UBR3: variants seen among roughly 807,000 people sequenced by gnomAD.
UBR3 encodes the protein ubiquitin protein ligase E3 component n-recognin 3.
Under a neutral mutation model 243.2 loss-of-function variants are expected in UBR3, and 85 were observed. That is an observed-to-expected ratio of 0.35 (90% CI 0.29 to 0.42). The LOEUF is 0.42. Among genes scored for constraint, UBR3 ranks in the 10% least tolerant of loss-of-function variants. The pLI is 1.00. For missense variants in UBR3, 1,686 were observed against 2,300.8 expected, an observed-to-expected ratio of 0.73 and a Z score of 5.47; for synonymous variants, 748 against 799.8, an observed-to-expected ratio of 0.94 and a Z score of 1.09.
At chr2:169,890,549 A>ATGTG (rs1553504463) in intron 5 of UBR3, among the ~76,000 whole-genome samples, 2 of 59,266 alleles carry the variant, frequency 3.4e-5, no homozygotes, top group East Asian at 4.3e-4. Flanking sequence ...AGATATATAT[A>ATGTG]TATATATATA....
At chr2:170,049,566 G>C (rs1451541613) in intron 32 of UBR3, among the ~76,000 whole-genome samples, 1 of 152,074 alleles carries the variant, frequency 6.6e-6, no homozygotes, top group Non-Finnish European at 1.5e-5. Flanking sequence ...TATTTCAAAG[G>C]GGTTATTTTT....
In UBR3 at chr2:169,828,105, G is replaced by A. The variant is rs1010194205; in HGVS notation, c.545+53G>A. 6 of 1,346,274 alleles carry A rather than the reference G, an allele frequency of 4.5e-6. No homozygotes were observed. The South Asian group carries it at 8.6e-5, about 19-fold the overall frequency. 83.4% of individuals were successfully genotyped at this position (1,346,274 alleles called of 1,614,324 possible). On this transcript the variant is annotated intron_variant, in intron 1 of 38. Transcript: ENST00000272793. ...GCGACCCTGGGCCGGGGACGTCGCG[G>A]GAGGGCCTGGAGCGGAGCACTGGGA...
At chr2:170,035,798 ACTAT>A in intron 31 of UBR3, among the ~76,000 whole-genome samples, 1 of 151,334 alleles carries the variant, frequency 6.6e-6, no homozygotes, top group Non-Finnish European at 1.5e-5. Context: ...ATGAACATGG[ACTAT>A]CTCTCTCCAT....
At chr2:170,043,740 G>A (rs1357438068) in intron 32 of UBR3, among the ~76,000 whole-genome samples, 10 of 152,176 alleles carry the variant, frequency 6.6e-5, no homozygotes, top group Non-Finnish European at 5.9e-5. Flanking sequence ...CACCCTTGGG[G>A]AGCCAAATAG....
At chr2:169,859,156 G>T (rs181337118) in intron 1 of UBR3, among the ~76,000 whole-genome samples, 17 of 146,588 alleles carry the variant, frequency 1.2e-4, no homozygotes, top group African/African-American at 4.1e-4. Flanking sequence ...CGTGATCTCG[G>T]CTTCACTGCA....
At chr2:169,877,323 T>C (rs950799539) in intron 3 of UBR3, among the ~76,000 whole-genome samples, 171 bp from the exon 4 acceptor site, 2 of 152,230 alleles carry the variant, frequency 1.3e-5, no homozygotes, top group African/African-American at 4.8e-5. Flanking sequence ...CTCGGATTGT[T>C]AGTGCTAAAC....
chr2:169,980,952 C>G (rs903282058), intron 24 of UBR3, among the ~76,000 whole-genome samples: 31 of 151,962 alleles, frequency 2.0e-4, no homozygotes, highest in Admixed American at 8.5e-4. Flanking sequence ...ACCCCCACCC[C>G]CTCTAGTGAT....
At chr2:170,015,194 T>C (rs892516051) in intron 29 of UBR3, 87 bp from the exon 30 acceptor site, 24 of 1,144,004 alleles carry the variant, frequency 2.1e-5, no homozygotes, top group Non-Finnish European at 4.9e-6. Flanking sequence ...AAGAACTTTA[T>C]TTTTTAGGTT....
At chr2:169,997,904 C>T (rs1032805066) in intron 26 of UBR3, among the ~76,000 whole-genome samples, 4 of 152,152 alleles carry the variant, frequency 2.6e-5, no homozygotes, top group South Asian at 2.1e-4. Flanking sequence ...GAAGTTCTCA[C>T]TCCAGTCATG....
At chr2:170,000,283 G>A (rs950156053) in intron 26 of UBR3, among the ~76,000 whole-genome samples, 2 of 152,164 alleles carry the variant, frequency 1.3e-5, no homozygotes, top group African/African-American at 4.8e-5. Context: ...GACTAGATTT[G>A]TACTTTATAA....
chr2:169,866,450 G>A (rs1228211757), intron 1 of UBR3, among the ~76,000 whole-genome samples: 2 of 150,842 alleles, frequency 1.3e-5, no homozygotes, highest in African/African-American at 4.9e-5. Context: ...TGCAACCTCC[G>A]CCTCCGGATT....
chr2:169,857,065 T>TTTTG lies in UBR3; in HGVS notation c.546-15168_546-15167insGTTT, dbSNP rs1491391930. Among the ~76,000 whole-genome samples, 83 of 44,134 alleles carry TTTTG rather than the reference T, an allele frequency of 1.9e-3. 11 individuals carry two copies. The highest frequency in any genetic ancestry group is 9.2e-3 in the East Asian group (16 of 1,732). 29.0% of individuals were successfully genotyped at this position (44,134 alleles called of 152,430 possible). A position where few individuals can be genotyped will look rare whatever the true frequency, so the allele number is the denominator to read the frequency against. On this transcript the variant is annotated intron_variant, in intron 1 of 38. Coordinates refer to ENST00000272793, the MANE Select transcript of UBR3 (RefSeq NM_172070.4). ...TGATTTCCAGCATAATTTTATTATG[T>TTTTG]TTTTTTTTTTTTTTTTTTTTTTTTT...
chr2:170,081,824 C>G lies in UBR3; in HGVS notation c.5648C>G (p.Pro1883Arg). The G allele has an allele frequency of 6.2e-7, 1 of 1,603,852 alleles. No individual in the cohort carries two copies. The highest frequency in any genetic ancestry group is 8.5e-7 in the Non-Finnish European group (1 of 1,174,422). The change falls in exon 39 of 39, where the codon CCA (proline) becomes CGA (arginine). Residue 1883 changes from proline to arginine, a missense_variant. Around this residue, in one of 8 missense-constraint regions of UBR3, gnomAD observed 89 missense variants for 183.3 expected, o/e 0.49. Coordinates refer to ENST00000272793, the MANE Select transcript of UBR3 (RefSeq NM_172070.4). ...TFDHINKRWG[P>R]HYNGL ...GATCACATCAATAAAAGATGGGGTC[C>G]ACATTACAATGGGCTGTGACTCTCC...
At chr2:170,064,899 G>A (rs1355750972) in intron 35 of UBR3, among the ~76,000 whole-genome samples, 1 of 149,142 alleles carries the variant, frequency 6.7e-6, no homozygotes, top group Non-Finnish European at 1.5e-5. Context: ...CTGGAGTGCA[G>A]TGGCGCGGTC....
At chr2:169,904,704 T>A (rs1035701675) in intron 8 of UBR3, among the ~76,000 whole-genome samples, 1 of 152,178 alleles carries the variant, frequency 6.6e-6, no homozygotes, top group Non-Finnish European at 1.5e-5. Flanking sequence ...ATTTGGTTGA[T>A]AAGATGAAAT....
chr2:169,901,720 T>A (rs938091296), intron 8 of UBR3, among the ~76,000 whole-genome samples: 1 of 152,228 alleles, frequency 6.6e-6, no homozygotes, highest in Non-Finnish European at 1.5e-5. Flanking sequence ...CTTATAGTAG[T>A]ATGTGATTCC....
chr2:169,976,440 G>A (rs137960172), intron 24 of UBR3, among the ~76,000 whole-genome samples: 2 of 152,066 alleles, frequency 1.3e-5, no homozygotes, highest in African/African-American at 4.8e-5. Context: ...TGTAAGTTTG[G>A]TCTAGTGGTG....
chr2:169,843,425 G>T (rs2082364567), intron 1 of UBR3, among the ~76,000 whole-genome samples: 1 of 152,132 alleles, frequency 6.6e-6, no homozygotes, highest in Non-Finnish European at 1.5e-5. Context: ...GTTCTGTCCA[G>T]CCCTTTTATA....
rs1295012775 is a variant in UBR3, at chr2:169,932,981, A to G, written c.2636A>G (p.Gln879Arg). ...ILRTVYRRDV[Q>R]SAMDRYTAFL... is the part of the protein sequence containing the mutation. ...CGAACAGTTTACCGTAGAGATGTGCAGTCTGCAATGGACAGATATACTGCA... is the reference window on the plus strand; with the variant it reads ...CGAACAGTTTACCGTAGAGATGTGCGGTCTGCAATGGACAGATATACTGCA... Residue 879 changes from glutamine (Q) to arginine (R), a missense_variant, in exon 19 of 39, where the codon CAG becomes CGG. This residue lies in a region of UBR3 where 346 missense variants were observed against 585.8 expected (regional missense o/e 0.59). Coordinates refer to ENST00000272793, the MANE Select transcript of UBR3 (RefSeq NM_172070.4). The G allele has an allele frequency of 6.5e-7, 1 of 1,535,528 alleles. No homozygotes were observed. Among genetic ancestry groups the G allele is most frequent in the Non-Finnish European group, 8.7e-7 (1 of 1,143,112 alleles).
Sources: allele counts gnomAD v4.1 joint callset (sites outside exome capture counted in the v4.1 genomes callset), GRCh38; gene constraint gnomAD v4.1.1; regional missense constraint gnomAD v4.1.1; transcripts MANE v1.5; gene names NCBI Gene and HGNC (gene_info 2026-07-23, HGNC 2026-07-21).